Variants in FBRSL1 observed in about 807,000 individuals in gnomAD.
FBRSL1 encodes fibrosin-1-like protein.
A neutral mutation model predicts 89.6 loss-of-function variants in FBRSL1; 51 were observed. The observed-to-expected ratio is 0.57, with a 90% CI of 0.45 to 0.72. FBRSL1 has a LOEUF of 0.72. FBRSL1 is among the 30% of genes least tolerant of loss of function. The pLI is 0.00. For missense variants in FBRSL1, 1,618 were observed against 1,451.8 expected (o/e 1.11, Z -1.86); for synonymous variants, 779 against 681.1 (o/e 1.14, Z -2.24).
intron 14 of FBRSL1, among the ~76,000 whole-genome samples, chr12:132,575,002 G>A (rs942213891): frequency 6.6e-6 from 1 of 152,002 alleles, no homozygotes; most frequent in Non-Finnish European, 1.5e-5. Flanking sequence ...TGAGGAAGGC[G>A]GGAGCCCCGC....
At chr12:132,563,988 T>G (rs907085285) in intron 5 of FBRSL1, among the ~76,000 whole-genome samples, 4 of 151,690 alleles carry the variant, frequency 2.6e-5, no homozygotes, top group African/African-American at 9.7e-5. Flanking sequence ...TGAGCTCCTG[T>G]GCACCCCCTG....
chr12:132,512,049 A>C (rs982841175), intron 2 of FBRSL1: 1 of 978,040 alleles, frequency 1.0e-6, no homozygotes, highest in African/African-American at 1.8e-5. Context: ...GATTCATTGC[A>C]CTCTGACCGA....
Position 132,546,600 on chromosome 12 carries a change from C to T in FBRSL1, c.616-1403C>T, listed in dbSNP as rs1253263688. On this transcript the variant is annotated intron_variant, in intron 4 of 18. Coordinates refer to ENST00000680143, the MANE Select transcript of FBRSL1 (RefSeq NM_001367871.1). This position sits in a 1 kb window ranked among gnomAD's most constrained non-coding sequence, Gnocchi z 4.0. Reference sequence around the variant, plus strand: ...CTTGGCCACGGCTGAAAGGCCAGACCGGGGGGGACCCTAGGAGAGGGCTTG... The same window carrying T: ...CTTGGCCACGGCTGAAAGGCCAGACTGGGGGGGACCCTAGGAGAGGGCTTG... 2.7e-5 allele frequency among the ~76,000 whole-genome samples: 4 copies of T among 148,212 alleles called. No homozygotes were observed. The highest frequency in any genetic ancestry group is 2.0e-4 in the East Asian group (1 of 5,064).
intron 4 of FBRSL1, among the ~76,000 whole-genome samples, chr12:132,545,189 G>A (rs1450590605): frequency 6.6e-6 from 1 of 152,292 alleles, no homozygotes; most frequent in East Asian, 1.9e-4. Flanking sequence ...TCCCTTCGGG[G>A]CCTGGGGTCT....
chr12:132,494,816 A>G (rs1490350382), intron 1 of FBRSL1, among the ~76,000 whole-genome samples: 1 of 152,086 alleles, frequency 6.6e-6, no homozygotes. Context: ...AGGCGGAAGG[A>G]AAGCACCCAG....
chr12:132,523,757 C>G (rs1455550435), intron 2 of FBRSL1, among the ~76,000 whole-genome samples: 1 of 152,216 alleles, frequency 6.6e-6, no homozygotes, highest in Non-Finnish European at 1.5e-5. Context: ...CGGTGATACA[C>G]GGTTCCTGGA....
chr12:132,531,154 C>T (rs2036243685), intron 4 of FBRSL1, among the ~76,000 whole-genome samples: 1 of 152,066 alleles, frequency 6.6e-6, no homozygotes, highest in Non-Finnish European at 1.5e-5. Context: ...GGACCAAGAA[C>T]CGGTCCCATG....
rs1257720212 is a variant in FBRSL1, at chr12:132,567,012, G to A, written c.646-469G>A. 3.3e-5 allele frequency among the ~76,000 whole-genome samples: 5 copies of A among 152,324 alleles called. No individual in the cohort carries two copies. The East Asian group carries it at 7.7e-4, about 24-fold the overall frequency. ...TCGGTATCCTGGTTCTCTCACTTTC[G>A]CCAGGGCGCCTGTGCTGGGCAGTGG... On this transcript the variant is annotated intron_variant, in intron 5 of 18. Transcript: ENST00000680143.
chr12:132,551,429 G>A (rs538492951), intron 5 of FBRSL1: 41 of 456,340 alleles, frequency 9.0e-5, no homozygotes, highest in African/African-American at 5.2e-4. Flanking sequence ...AGCCCTGCCC[G>A]CAGAAGCGGA....
At chr12:132,509,808 C>T (rs2034122296) in intron 2 of FBRSL1, 1 of 1,231,772 alleles carries the variant, frequency 8.1e-7, no homozygotes, top group Non-Finnish European at 1.0e-6. Context: ...GTGGTCGCTG[C>T]TAGCCCAGTG....
chr12:132,510,758 G>A (rs376439325), intron 2 of FBRSL1: 11 of 1,182,596 alleles, frequency 9.3e-6, no homozygotes, highest in East Asian at 3.8e-5. Context: ...CCCCACCCGC[G>A]TTGCTGCCTG....
chr12:132,568,148 C>T (rs376194060), intron 6 of FBRSL1, among the ~76,000 whole-genome samples: 43 of 152,342 alleles, frequency 2.8e-4, no homozygotes, highest in African/African-American at 9.4e-4. Flanking sequence ...CCAGCGTCTT[C>T]TTAGGGCCTC....
At position 132,495,892 on chromosome 12, in the gene FBRSL1, G is replaced by A. The variant is rs371773497; in HGVS notation, c.291+5031G>A. Among the ~76,000 whole-genome samples, 8 of 152,340 alleles carry A rather than the reference G, an allele frequency of 5.3e-5. No individual in the cohort carries two copies. In the East Asian group the frequency reaches 9.6e-4, roughly 18 times the overall value. ...CTGGCCTGCTTTGGCTCTGGGAAGG[G>A]TTCCACGTCCTCTGCCTGTGCTTCT... is the stretch of plus-strand genomic sequence containing the variant. On this transcript the variant is annotated intron_variant, in intron 1 of 18. Transcript: ENST00000680143.
In FBRSL1 at chr12:132,521,359, G is replaced by A. The variant is rs555796406; in HGVS notation, c.490-4375G>A. ...TGCTCCATTTCTGCAGGGGCGTCGC[G>A]TTCCCGTCTCCTGCTGGAACTGTGG... is the stretch of plus-strand genomic sequence containing the variant. On this transcript the variant is annotated intron_variant, in intron 2 of 18. Transcript: ENST00000680143. Among the ~76,000 whole-genome samples, 12 of 152,318 alleles carry A rather than the reference G, an allele frequency of 7.9e-5. No homozygotes were observed. In the South Asian group the frequency reaches 1.2e-3, roughly 16 times the overall value.
intron 15 of FBRSL1, chr12:132,580,820 G>A (rs2040693925): frequency 2.0e-6 from 2 of 985,472 alleles, no homozygotes; most frequent in African/African-American, 1.7e-5. Context: ...GACCCATGTG[G>A]AGGACGGCCC....
intron 2 of FBRSL1, among the ~76,000 whole-genome samples, chr12:132,522,724 G>A (rs2035465636): frequency 6.6e-6 from 1 of 152,184 alleles, no homozygotes; most frequent in Non-Finnish European, 1.5e-5. Context: ...CCCCACCCCA[G>A]GAAGCACAGG....
chr12:132,516,535 G>A (rs147098176), intron 2 of FBRSL1, among the ~76,000 whole-genome samples: 12 of 152,238 alleles, frequency 7.9e-5, no homozygotes, highest in African/African-American at 2.6e-4. Flanking sequence ...GGATGTCCAC[G>A]TTTTCTGTCT....
rs1180265428 is a variant in FBRSL1, at chr12:132,508,353, G to A, written c.489+3G>A. ...TCCCACTGCAGCCCTCCAAGCAGGTGAGCAGGTCCCTCCCCGACCGGAAGC... is the reference window on the plus strand; with the variant it reads ...TCCCACTGCAGCCCTCCAAGCAGGTAAGCAGGTCCCTCCCCGACCGGAAGC... On this transcript the variant is annotated splice_donor_region_variant and intron_variant, in intron 2 of 18. Transcript: ENST00000680143. 5 of 1,504,006 alleles carry A rather than the reference G, an allele frequency of 3.3e-6. No individual in the cohort carries two copies. The African/African-American group carries it at 7.0e-5, about 21-fold the overall frequency. The allele number at this position is 1,504,006 out of a possible 1,614,324, so 93.2% of individuals were successfully genotyped here. A position where few individuals can be genotyped will look rare whatever the true frequency, so the allele number is the denominator to read the frequency against.
intron 5 of FBRSL1, among the ~76,000 whole-genome samples, chr12:132,563,959 C>T (rs1207803600): frequency 6.0e-5 from 9 of 150,378 alleles, no homozygotes; most frequent in Non-Finnish European, 1.3e-4. Flanking sequence ...GTACACCCAC[C>T]CCCGTCGCCC....
Sources: gnomAD v4.1 joint callset for allele counts (sites outside exome capture counted in the v4.1 genomes callset) on GRCh38, gnomAD v4.1.1 for gene constraint, Gnocchi (gnomAD v3.1) non-coding constraint, MANE v1.5 for transcripts, NCBI Gene and HGNC (gene_info 2026-07-23, HGNC 2026-07-21) for gene names.